KCNQ5: variants seen among roughly 807,000 people sequenced by gnomAD.
KCNQ5 encodes potassium voltage-gated channel subfamily Q member 5, also known as potassium voltage-gated channel subfamily KQT member 5.
Under a neutral mutation model 98.2 loss-of-function variants are expected in KCNQ5, and 30 were observed. The ratio of observed to expected loss-of-function variants is 0.31; its 90% CI spans 0.23 to 0.41. The LOEUF is 0.41. KCNQ5 is among the 10% of genes least tolerant of loss of function. The pLI is 1.00. For missense variants in KCNQ5, 835 were observed against 1,182.5 expected, an observed-to-expected ratio of 0.71 and a Z score of 4.31; for synonymous variants, 458 against 449.4, an observed-to-expected ratio of 1.02 and a Z score of -0.24.
chr6:72,797,305 C>T (rs1343142449), intron 1 of KCNQ5, among the ~76,000 whole-genome samples: 1 of 151,942 alleles, frequency 6.6e-6, no homozygotes, highest in African/African-American at 2.4e-5. Context: ...ACTGCTTGAG[C>T]CCAGCCTGGG....
intron 2 of KCNQ5, among the ~76,000 whole-genome samples, chr6:73,013,737 G>T (rs1013697010): frequency 6.6e-6 from 1 of 152,060 alleles, no homozygotes; most frequent in African/African-American, 2.4e-5. Flanking sequence ...TCATTCTCTT[G>T]CTTCTTTCAA....
chr6:72,790,014 G>A (rs749176182), intron 1 of KCNQ5, among the ~76,000 whole-genome samples: 51 of 152,198 alleles, frequency 3.4e-4, no homozygotes, highest in Non-Finnish European at 6.0e-4. Context: ...ATCCTGCAGC[G>A]TCCAAATAGA....
chr6:73,181,536 C>T (rs948590125), intron 11 of KCNQ5, among the ~76,000 whole-genome samples: 11 of 152,210 alleles, frequency 7.2e-5, no homozygotes, highest in African/African-American at 2.4e-4. Context: ...AACTTCTTAA[C>T]TACTTCTTGC....
intron 1 of KCNQ5, among the ~76,000 whole-genome samples, chr6:72,665,662 T>A (rs1766776921): frequency 1.3e-5 from 2 of 152,184 alleles, no homozygotes; most frequent in Admixed American, 1.3e-4. Flanking sequence ...TCCATATAAC[T>A]ATATTTTTCA....
intron 1 of KCNQ5, among the ~76,000 whole-genome samples, chr6:72,852,015 A>G (rs1777280251): frequency 6.6e-6 from 1 of 152,152 alleles, no homozygotes; most frequent in Admixed American, 6.6e-5. Flanking sequence ...TACTATTAGT[A>G]GTTACTATCC....
At position 73,099,160 on chromosome 6, in the gene KCNQ5, C is replaced by T. The variant is rs554173909; in HGVS notation, c.919-6097C>T. 2.6e-3 allele frequency among the ~76,000 whole-genome samples: 398 copies of T among 151,302 alleles called. 2 individuals are homozygous for T. The highest frequency in any genetic ancestry group is 9.3e-3 in the African/African-American group (385 of 41,240). On this transcript the variant is annotated intron_variant, in intron 5 of 13. Coordinates refer to ENST00000370398, the MANE Select transcript of KCNQ5 (RefSeq NM_019842.4). Reference sequence around the variant, plus strand: ...CAAAAAAGCATACAATGGATACACACAAAAAAATAAAAAGCAAGAAACTAA... The same window carrying T: ...CAAAAAAGCATACAATGGATACACATAAAAAAATAAAAAGCAAGAAACTAA...
chr6:73,045,060 T>A (rs1166127309), intron 3 of KCNQ5, among the ~76,000 whole-genome samples: 1 of 152,152 alleles, frequency 6.6e-6, no homozygotes, highest in Admixed American at 6.5e-5. Context: ...CCATGTACTA[T>A]TGCACCCTAT....
chr6:72,829,902 A>G (rs1776168049), intron 1 of KCNQ5, among the ~76,000 whole-genome samples: 1 of 152,198 alleles, frequency 6.6e-6, no homozygotes, highest in Non-Finnish European at 1.5e-5. Flanking sequence ...GGGGCCTTAG[A>G]TTTCTGTATT....
intron 1 of KCNQ5, among the ~76,000 whole-genome samples, chr6:72,880,950 G>A (rs560029628): frequency 4.9e-4 from 74 of 152,290 alleles, no homozygotes; most frequent in African/African-American, 1.7e-3. Flanking sequence ...AACATGAACA[G>A]TTGGATTGAT....
intron 3 of KCNQ5, among the ~76,000 whole-genome samples, chr6:73,054,366 A>G (rs1772371614): frequency 6.6e-6 from 1 of 152,116 alleles, no homozygotes; most frequent in Non-Finnish European, 1.5e-5. Context: ...TGATACCAAA[A>G]CCTGGCAGGG....
At chr6:73,014,925 G>A (rs1319927925) in intron 2 of KCNQ5, among the ~76,000 whole-genome samples, 1 of 152,004 alleles carries the variant, frequency 6.6e-6, no homozygotes. Context: ...GGAAAAATCA[G>A]CCACAAGCAC....
chr6:73,075,090 G>T (rs989798575), intron 3 of KCNQ5, among the ~76,000 whole-genome samples: 8 of 152,036 alleles, frequency 5.3e-5, no homozygotes, highest in Non-Finnish European at 8.8e-5. Flanking sequence ...TAATTGCAAA[G>T]ACATAGTCGT....
chr6:72,763,775 A>T (rs1334758011), intron 1 of KCNQ5, among the ~76,000 whole-genome samples: 1 of 151,982 alleles, frequency 6.6e-6, no homozygotes, highest in Admixed American at 6.6e-5. Flanking sequence ...GAACAAAGTA[A>T]TGTTTTCCAA....
chr6:72,723,358 G>A (rs940007174), intron 1 of KCNQ5, among the ~76,000 whole-genome samples: 3 of 151,944 alleles, frequency 2.0e-5, no homozygotes, highest in African/African-American at 7.3e-5. Context: ...ACTTATTAAC[G>A]GTAATTGGTA....
intron 1 of KCNQ5, among the ~76,000 whole-genome samples, chr6:72,707,089 A>G (rs1477166136): frequency 6.6e-6 from 1 of 152,246 alleles, no homozygotes; most frequent in Non-Finnish European, 1.5e-5. Context: ...CATGTGCACC[A>G]GCCAAGGTTT....
intron 1 of KCNQ5, among the ~76,000 whole-genome samples, chr6:72,772,288 C>A (rs1772937202): frequency 6.6e-6 from 1 of 152,038 alleles, no homozygotes; most frequent in African/African-American, 2.4e-5. Flanking sequence ...TATAATCAAC[C>A]ATTGCAATAG....
At chr6:72,779,963 G>A (rs4707989) in intron 1 of KCNQ5, among the ~76,000 whole-genome samples, 81,667 of 151,358 alleles carry the variant, frequency 0.54, 22,488 homozygotes, top group Middle Eastern at 0.62. Context: ...GCATCCCAAA[G>A]TGCTGGGATT....
intron 1 of KCNQ5, among the ~76,000 whole-genome samples, chr6:72,742,013 T>C (rs1771152590): frequency 1.3e-5 from 2 of 152,226 alleles, no homozygotes; most frequent in African/African-American, 2.4e-5. Context: ...ATCCGCTTCA[T>C]GCTCTGCCAT....
At chr6:72,653,912 A>C (rs1013578629) in intron 1 of KCNQ5, among the ~76,000 whole-genome samples, 2 of 152,062 alleles carry the variant, frequency 1.3e-5, no homozygotes, top group Non-Finnish European at 2.9e-5. Flanking sequence ...CTGTTTACTC[A>C]TCTGTAAAAT....
Sources: gnomAD v4.1 joint callset for allele counts (sites outside exome capture counted in the v4.1 genomes callset) on GRCh38, gnomAD v4.1.1 for gene constraint, MANE v1.5 for transcripts, NCBI Gene and HGNC (gene_info 2026-07-23, HGNC 2026-07-21) for gene names.